HEATR5A: variants seen among roughly 807,000 people sequenced by gnomAD.
HEATR5A encodes the protein HEAT repeat containing 5A.
In HEATR5A, 178 loss-of-function variants were observed where a neutral mutation model predicts 218.8. The ratio of observed to expected loss-of-function variants is 0.81; its 90% confidence interval spans 0.72 to 0.92. HEATR5A has a LOEUF of 0.92. HEATR5A is among the 40% of genes least tolerant of loss of function. The pLI, the probability that HEATR5A is intolerant of heterozygous loss-of-function variation, is 0.00. For missense variants in HEATR5A, 2,420 were observed against 2,418.9 expected (o/e 1.00, Z -0.01); for synonymous variants, 864 against 871.6 (o/e 0.99, Z 0.15).
intron 22 of HEATR5A, among the ~76,000 whole-genome samples, chr14:31,331,854 A>T (rs901571016): frequency 2.6e-5 from 4 of 152,168 alleles, no homozygotes; most frequent in African/African-American, 9.7e-5. Flanking sequence ...GAACGCACTC[A>T]CTATCATGAG....
rs1263546568 is a variant in HEATR5A, at chr14:31,308,106, T to C, written c.4691-86A>G. 6.4e-6 allele frequency: 8 copies of C among 1,254,394 alleles called. 1 individual carries two copies. Among genetic ancestry groups the C allele is most frequent in the Non-Finnish European group, 7.6e-6 (7 of 916,522 alleles). The allele number at this position is 1,254,394 out of a possible 1,614,324, so 77.7% of individuals were successfully genotyped here. ...TAATTAATCTTATATTTTGGTAAGA[T>C]ATATAAACAAACAGTAAAAAGGTAA... On this transcript the variant is annotated intron_variant, in intron 29 of 35. Coordinates refer to ENST00000543095, the MANE Select transcript of HEATR5A (RefSeq NM_015473.4).
intron 21 of HEATR5A, among the ~76,000 whole-genome samples, chr14:31,339,504 G>T (rs1900776488): frequency 6.9e-6 from 1 of 144,488 alleles, no homozygotes; most frequent in Non-Finnish European, 1.5e-5. Flanking sequence ...CATGCAAAGA[G>T]AGCCAAATTC....
At chr14:31,338,821 A>T (rs1900746124) in intron 21 of HEATR5A, among the ~76,000 whole-genome samples, 1 of 152,156 alleles carries the variant, frequency 6.6e-6, no homozygotes, top group Non-Finnish European at 1.5e-5. Flanking sequence ...GCTATTAAGA[A>T]TATATAAGAA....
chr14:31,419,688 G>A (rs769073459), intron 1 of HEATR5A, among the ~76,000 whole-genome samples: 1 of 152,188 alleles, frequency 6.6e-6, no homozygotes, highest in South Asian at 2.1e-4. Flanking sequence ...TGACTTGACA[G>A]TCAAGAAAAT....
At chr14:31,398,833 A>C (rs1177229508) in intron 3 of HEATR5A, 52 bp from the exon 4 acceptor site, 1 of 1,010,922 alleles carries the variant, frequency 9.9e-7, no homozygotes, top group African/African-American at 1.6e-5. Flanking sequence ...AATAGGAATA[A>C]AAAGATCTTA....
chr14:31,378,977 T>A (rs2029879804), intron 11 of HEATR5A, among the ~76,000 whole-genome samples: 1 of 151,878 alleles, frequency 6.6e-6, no homozygotes, highest in Admixed American at 6.6e-5. Flanking sequence ...AGTCTTGTTC[T>A]GTCACCCAGG....
At chr14:31,317,147 A>C (rs1377081811) in intron 26 of HEATR5A, among the ~76,000 whole-genome samples, 1 of 152,202 alleles carries the variant, frequency 6.6e-6, no homozygotes, top group African/African-American at 2.4e-5. Context: ...AGTTCTCTGA[A>C]TAGTAAAAGC....
At chr14:31,369,972 TA>T (rs1901971912) in intron 13 of HEATR5A, among the ~76,000 whole-genome samples, 1 of 143,618 alleles carries the variant, frequency 7.0e-6, no homozygotes, top group African/African-American at 2.6e-5. Context: ...CTCATGCCTA[TA>T]ATCCTAGCAC....
At position 31,295,961 on chromosome 14, in the gene HEATR5A, T is replaced by G; in HGVS notation, c.5567A>C (p.Gln1856Pro). 1 of 1,613,648 alleles carries G rather than the reference T, an allele frequency of 6.2e-7. No individual in the cohort carries two copies. The highest frequency in any genetic ancestry group is 1.1e-5 in the South Asian group (1 of 91,076). The change falls in exon 34 of 36, where the codon CAG becomes CCG. Residue 1856 changes from glutamine to proline, a missense_variant. Coordinates refer to ENST00000543095, the MANE Select transcript of HEATR5A (RefSeq NM_015473.4). Reference protein sequence around the residue: ...SPEVTTIPCLQKRCIDKFKAT... With the variant: ...SPEVTTIPCLPKRCIDKFKAT... ...TTTAAATTTATCAATACAGCGCTTC[T>G]GAAGGCATGGGATGGTAGTTACTTC...
At chr14:31,337,375 A>G (rs1900703330) in intron 22 of HEATR5A, 101 bp downstream of exon 22, 7 of 893,712 alleles carry the variant, frequency 7.8e-6, no homozygotes, top group Admixed American at 5.3e-5. Context: ...CAGGTTTAAG[A>G]CATATTAACT....
intron 1 of HEATR5A, among the ~76,000 whole-genome samples, chr14:31,409,841 A>T (rs2031213344): frequency 6.6e-6 from 1 of 152,214 alleles, no homozygotes; most frequent in Non-Finnish European, 1.5e-5. Context: ...TGGTCCTGAT[A>T]GAAACTGCTA....
chr14:31,412,486 G>C (rs566244563), intron 1 of HEATR5A, among the ~76,000 whole-genome samples: 1 of 147,236 alleles, frequency 6.8e-6, no homozygotes, highest in Non-Finnish European at 1.5e-5. Context: ...CCAGCTACTC[G>C]GGAGCCTGGT....
In HEATR5A at chr14:31,302,329, A is replaced by C; in HGVS notation, c.5430T>G (p.Ser1810Arg). 1 of 1,602,282 alleles carries C rather than the reference A, an allele frequency of 6.2e-7. No individual in the cohort carries two copies. The highest frequency in any genetic ancestry group is 8.5e-7 in the Non-Finnish European group (1 of 1,174,180). The change falls in exon 33 of 36, where the codon AGT (serine) becomes AGG (arginine). Residue 1810 changes from serine (S) to arginine (R), a missense_variant. By Grantham distance (110) the Ser-to-Arg change is moderately radical (BLOSUM62 -1). Transcript: ENST00000543095. ...SRTAWTDLLRSALTTILDCWD... is the reference protein window; with the variant it reads ...SRTAWTDLLRRALTTILDCWD... ...AACAGTCAAGAATTGTTGTTAAGGC[A>C]CTTCGGAGAAGGTCAGTCCAAGCAG... is the stretch of plus-strand genomic sequence containing the variant.
At chr14:31,416,435 T>C (rs1317356112) in intron 1 of HEATR5A, among the ~76,000 whole-genome samples, 1 of 152,174 alleles carries the variant, frequency 6.6e-6, no homozygotes, top group East Asian at 1.9e-4. Flanking sequence ...GGTTTTAAGA[T>C]TGGCAAAAGT....
chr14:31,395,324 G>A lies in HEATR5A; in HGVS notation c.472C>T (p.Leu158=). 12 of 1,523,630 alleles carry A rather than the reference G, an allele frequency of 7.9e-6. No individual in the cohort carries two copies. Among genetic ancestry groups the A allele is most frequent in the Non-Finnish European group, 1.1e-5 (12 of 1,139,142 alleles). 94.4% of individuals were successfully genotyped at this position (1,523,630 alleles called of 1,614,324 possible). A position where few individuals can be genotyped will look rare whatever the true frequency, so the allele number is the denominator to read the frequency against. The change falls in exon 5 of 36, where the codon CTA becomes TTA. Residue 158 remains leucine (L), a synonymous_variant. Coordinates refer to ENST00000543095, the MANE Select transcript of HEATR5A (RefSeq NM_015473.4). ...CCATTCAATATATTTTGCAGACTTA[G>A]CATAATCTCATATCGGCCTTGAGAC... ...AESQGRYEIM[L]SLQNILNGLG...
rs761748362 is a variant in HEATR5A, at chr14:31,309,081, T to C, written c.4543A>G (p.Thr1515Ala). The C allele has an allele frequency of 6.8e-6, 11 of 1,613,868 alleles. No homozygotes were observed. The Admixed American group carries it at 1.2e-4, about 17-fold the overall frequency. Residue 1515 changes from threonine to alanine, a missense_variant, in exon 29 of 36, where the codon ACG (threonine) becomes GCG (alanine). By Grantham distance (58) the Thr-to-Ala change is moderately conservative (BLOSUM62 0). Coordinates refer to ENST00000543095, the MANE Select transcript of HEATR5A (RefSeq NM_015473.4). ...LHATALWLTS[T>A]GFVVADPDEG... is the part of the protein sequence containing the mutation. Reference sequence around the variant, plus strand: ...TCTGGGTCAGCAACAACAAAACCCGTGCTTGTAAGCCACAATGCTGTAGCA... The same window carrying C: ...TCTGGGTCAGCAACAACAAAACCCGCGCTTGTAAGCCACAATGCTGTAGCA...
At chr14:31,395,987 T>G (rs2030637878) in intron 4 of HEATR5A, among the ~76,000 whole-genome samples, 1 of 152,196 alleles carries the variant, frequency 6.6e-6, no homozygotes, top group South Asian at 2.1e-4. Flanking sequence ...TTTCCTCATC[T>G]ATAAAATGAG....
chr14:31,293,287 A>C lies in HEATR5A; in HGVS notation c.*18T>G. The C allele has an allele frequency of 6.4e-7, 1 of 1,556,610 alleles. No homozygotes were observed. The highest frequency in any genetic ancestry group is 1.2e-5 in the South Asian group (1 of 82,278). ...AAGTATTTATTATATTAAGGTGCTT[A>C]CTATTCCAAAAAAAAAATCAGAGGA... On this transcript the variant is annotated 3_prime_UTR_variant, in exon 36 of 36. Transcript: ENST00000543095.
chr14:31,325,932 C>T, intron 23 of HEATR5A: 1 of 563,344 alleles, frequency 1.8e-6, no homozygotes, highest in Non-Finnish European at 3.1e-6. Flanking sequence ...GGAAAGTCAT[C>T]TAAGACAGCC....
Sources: allele counts gnomAD v4.1 joint callset (sites outside exome capture counted in the v4.1 genomes callset), GRCh38; gene constraint gnomAD v4.1.1; transcripts MANE v1.5; gene names NCBI Gene and HGNC (gene_info 2026-07-23, HGNC 2026-07-21).